MRPS28: variants seen among roughly 807,000 people sequenced by gnomAD.
The protein encoded by MRPS28 is small ribosomal subunit protein bS1m.
Under a neutral mutation model 10.8 loss-of-function variants are expected in MRPS28, and 7 were observed. The ratio of observed to expected loss-of-function variants is 0.65; its 90% CI spans 0.37 to 1.22. The LOEUF is 1.22. Ranked by LOEUF, MRPS28 falls within the 50% of genes most tolerant of loss-of-function variation. The probability of loss-of-function intolerance (pLI) is 0.02; values close to 1 mark genes in which losing one functional copy is unlikely to be tolerated. For synonymous variants in MRPS28, 121 were observed against 93.3 expected (o/e 1.30, Z -1.71); for missense variants, 265 against 232.9 (o/e 1.14, Z -0.90).
intron 1 of MRPS28, among the ~76,000 whole-genome samples, chr8:80,015,591 G>A (rs1237160709): frequency 6.6e-6 from 1 of 152,244 alleles, no homozygotes; most frequent in South Asian, 2.1e-4. Context: ...ACTAAAGGCC[G>A]ATTGACAGCC....
chr8:79,975,593 C>T (rs1464570753), intron 2 of MRPS28, among the ~76,000 whole-genome samples: 1 of 152,052 alleles, frequency 6.6e-6, no homozygotes, highest in Non-Finnish European at 1.5e-5. Flanking sequence ...GCCAATGACT[C>T]TGGAGTACAA....
Position 80,030,031 on chromosome 8 carries a change from T to TC in MRPS28, c.213+4dup. On this transcript the variant is annotated splice_donor_region_variant and intron_variant, in intron 1 of 2. Transcript: ENST00000276585. ...GCGACTCCCTCTCACCCGCCCGGGC[T>TC]CCACCTTCTGTAGGGGCTCCACCTT... 6.2e-7 allele frequency: 1 copy of TC among 1,612,238 alleles called. No homozygotes were observed. The highest frequency in any genetic ancestry group is 8.5e-7 in the Non-Finnish European group (1 of 1,179,148).
At chr8:79,960,758 G>A (rs1473522900) in intron 2 of MRPS28, among the ~76,000 whole-genome samples, 3 of 152,110 alleles carry the variant, frequency 2.0e-5, no homozygotes, top group Non-Finnish European at 4.4e-5. Flanking sequence ...AGATCACAAT[G>A]TCTGTTGTGA....
chr8:79,921,682 G>T (rs1461167292), intron 2 of MRPS28, among the ~76,000 whole-genome samples: 1 of 152,088 alleles, frequency 6.6e-6, no homozygotes, highest in African/African-American at 2.4e-5. Flanking sequence ...GAGATTTTGG[G>T]CTGAGACAAT....
chr8:79,999,215 A>G (rs2130148031), intron 2 of MRPS28, among the ~76,000 whole-genome samples: 1 of 152,368 alleles, frequency 6.6e-6, no homozygotes, highest in East Asian at 1.9e-4. Flanking sequence ...GTATAACTGC[A>G]GAGAACACGT....
At chr8:79,939,818 A>C (rs977997732) in intron 2 of MRPS28, among the ~76,000 whole-genome samples, 1 of 151,964 alleles carries the variant, frequency 6.6e-6, no homozygotes, top group African/African-American at 2.4e-5. Flanking sequence ...AAAATACAAA[A>C]AATTAGCCGG....
At chr8:79,948,262 C>A (rs577022609) in intron 2 of MRPS28, among the ~76,000 whole-genome samples, 14 of 152,276 alleles carry the variant, frequency 9.2e-5, no homozygotes, top group Non-Finnish European at 1.5e-5. Context: ...GCTGGGATTA[C>A]AAGTGTGAGC....
At chr8:79,951,225 G>C (rs1439261441) in intron 2 of MRPS28, among the ~76,000 whole-genome samples, 1 of 152,136 alleles carries the variant, frequency 6.6e-6, no homozygotes, top group Non-Finnish European at 1.5e-5. Flanking sequence ...CCCAGGGCTT[G>C]TTAGTCTAGG....
Position 80,030,108 on chromosome 8 carries a change from C to G in MRPS28, c.141G>C (p.Thr47=). The G allele has an allele frequency of 6.2e-7, 1 of 1,613,620 alleles. No individual in the cohort carries two copies. Among genetic ancestry groups the G allele is most frequent in the Non-Finnish European group, 8.5e-7 (1 of 1,179,962 alleles). ...SGSSNAKEPK[T]RAGGFASALE... ...ACGCGCTCGCGAAACCGCCTGCGCG[C>G]GTCTTAGGCTCCTTGGCATTGGAAC... The change falls in exon 1 of 3, where the codon ACG becomes ACC. Residue 47 remains threonine, a synonymous_variant. Coordinates refer to ENST00000276585, the MANE Select transcript of MRPS28 (RefSeq NM_014018.3).
At chr8:79,922,961 T>C (rs1270083667) in intron 2 of MRPS28, among the ~76,000 whole-genome samples, 1 of 152,050 alleles carries the variant, frequency 6.6e-6, no homozygotes, top group South Asian at 2.1e-4. Context: ...CACATAATAT[T>C]TGGGTGTTCT....
chr8:79,975,372 T>C (rs1807767347), intron 2 of MRPS28, among the ~76,000 whole-genome samples: 1 of 152,276 alleles, frequency 6.6e-6, no homozygotes, highest in South Asian at 2.1e-4. Context: ...CCACTACTTT[T>C]ACAAAGGCAA....
chr8:79,954,454 T>C (rs1807154489), intron 2 of MRPS28, among the ~76,000 whole-genome samples: 1 of 152,152 alleles, frequency 6.6e-6, no homozygotes, highest in African/African-American at 2.4e-5. Context: ...ATGTTACCAG[T>C]TGCTTGATTA....
intron 2 of MRPS28, among the ~76,000 whole-genome samples, chr8:79,937,322 C>T (rs757583233): frequency 3.9e-5 from 6 of 152,112 alleles, no homozygotes; most frequent in Admixed American, 6.5e-5. Flanking sequence ...TTGAAAATCA[C>T]GTAAAATTTT....
At chr8:80,006,791 C>T (rs1306573503) in intron 1 of MRPS28, among the ~76,000 whole-genome samples, 3 of 152,112 alleles carry the variant, frequency 2.0e-5, no homozygotes, top group Non-Finnish European at 2.9e-5. Context: ...AGCCTACCAA[C>T]CAAAAAAAGT....
chr8:79,949,349 G>A (rs1441392699), intron 2 of MRPS28, among the ~76,000 whole-genome samples: 1 of 151,836 alleles, frequency 6.6e-6, no homozygotes, highest in African/African-American at 2.4e-5. Context: ...AGGAGGCAGA[G>A]GTTGCAGTGA....
At chr8:79,986,944 C>A (rs1808200028) in intron 2 of MRPS28, among the ~76,000 whole-genome samples, 1 of 152,108 alleles carries the variant, frequency 6.6e-6, no homozygotes, top group East Asian at 1.9e-4. Flanking sequence ...TCATATGGAA[C>A]CAAAAAAGAG....
At chr8:80,021,160 G>A (rs961409083) in intron 1 of MRPS28, among the ~76,000 whole-genome samples, 2 of 151,932 alleles carry the variant, frequency 1.3e-5, no homozygotes, top group Admixed American at 6.6e-5. Context: ...GAGCCACCAT[G>A]CCCGGCTAAT....
intron 2 of MRPS28, among the ~76,000 whole-genome samples, chr8:79,977,615 G>A (rs575146886): frequency 6.6e-6 from 1 of 152,206 alleles, no homozygotes; most frequent in African/African-American, 2.4e-5. Context: ...CCAGGAGTTC[G>A]AGACCTGCCT....
intron 2 of MRPS28, among the ~76,000 whole-genome samples, chr8:79,927,090 A>G (rs1810250869): frequency 6.6e-6 from 1 of 152,378 alleles, no homozygotes; most frequent in East Asian, 1.9e-4. Context: ...GTAGAAGGTC[A>G]AAGTTAGAAC....
Sources: allele counts gnomAD v4.1 joint callset (sites outside exome capture counted in the v4.1 genomes callset), GRCh38; gene constraint gnomAD v4.1.1; transcripts MANE v1.5; gene names NCBI Gene and HGNC (gene_info 2026-07-23, HGNC 2026-07-21).